Variants in ABCA7 observed in about 807,000 individuals in gnomAD.
The protein encoded by ABCA7 is ATP binding cassette subfamily A member 7.
ABCA7 carries 261 observed loss-of-function variants against 227.6 expected under a neutral mutation model. The ratio of observed to expected loss-of-function variants is 1.15; its 90% CI spans 1.04 to 1.27. The LOEUF (loss-of-function observed/expected upper bound fraction) is 1.27, where lower values mean the gene tolerates loss of function less well. Among genes scored for constraint, ABCA7 ranks in the 50% most tolerant of loss-of-function variants. ABCA7 has a pLI of 0.00. For missense variants in ABCA7, 3,331 were observed against 2,924.5 expected (o/e 1.14, Z -3.21); for synonymous variants, 1,488 against 1,279.7 (o/e 1.16, Z -3.47).
At position 1,058,041 on chromosome 19, in the gene ABCA7, T is replaced by A; in HGVS notation, c.5007T>A (p.Leu1669=). The A allele has an allele frequency of 6.2e-7, 1 of 1,614,170 alleles. No individual in the cohort carries two copies. Among genetic ancestry groups the A allele is most frequent in the Non-Finnish European group, 8.5e-7 (1 of 1,180,032 alleles). ...ATGGAAGCATGGCCACCTTTGTGCT[T>A]GAGCTCTTCTCTGATCAGGTGGGGC... is the stretch of plus-strand genomic sequence containing the variant. ...GINGSMATFV[L]ELFSDQKLQE... is the part of the protein sequence containing the mutation. Residue 1669 remains leucine (L), a synonymous_variant, in exon 36 of 47, where the codon CTT becomes CTA. Coordinates refer to ENST00000263094, the MANE Select transcript of ABCA7 (RefSeq NM_019112.4).
intron 16 of ABCA7, among the ~76,000 whole-genome samples, 180 bp downstream of exon 16, chr19:1,047,834 G>C (rs2040866937): frequency 6.6e-6 from 1 of 152,136 alleles, no homozygotes; most frequent in Non-Finnish European, 1.5e-5. Context: ...CCTGAGGCAG[G>C]TGGGCGGGGT....
chr19:1,049,304 G>A lies in ABCA7; in HGVS notation c.2419G>A (p.Val807Ile), dbSNP rs779361772. Reference sequence around the variant, plus strand: ...GGCACCGCCCGGCCTGAGTCCTGGCGTCTCCGTTCGCAGCCTGGAGAAGCG... The same window carrying A: ...GGCACCGCCCGGCCTGAGTCCTGGCATCTCCGTTCGCAGCCTGGAGAAGCG... ...EEAPPGLSPG[V>I]SVRSLEKRFP... Residue 807 changes from valine (V) to isoleucine (I), a missense_variant, in exon 18 of 47, where the codon GTC (valine) becomes ATC (isoleucine). Val to Ile is a conservative substitution (Grantham distance 29). Coordinates refer to ENST00000263094, the MANE Select transcript of ABCA7 (RefSeq NM_019112.4). 3.1e-6 allele frequency: 5 copies of A among 1,611,218 alleles called. No individual in the cohort carries two copies. Among genetic ancestry groups the A allele is most frequent in the Admixed American group, 1.7e-5 (1 of 59,920 alleles).
rs1302770627 is a variant in ABCA7 at position 1,056,329 on chromosome 19, G to C, written c.4417-1G>C. 2 of 1,613,052 alleles carry C rather than the reference G, an allele frequency of 1.2e-6. No individual in the cohort carries two copies. The highest frequency in any genetic ancestry group is 1.7e-6 in the Non-Finnish European group (2 of 1,179,850). ...ACCCTATGACCTTGACCCCCACCCA[G>C]ATCTGGTTCAACAACAAAGGCTGGC... On this transcript the variant is annotated splice_acceptor_variant, in intron 32 of 46. Transcript: ENST00000263094. LOFTEE classifies it high-confidence loss of function. This position sits in a 1 kb window ranked among gnomAD's most constrained non-coding sequence, Gnocchi z 4.3.
chr19:1,052,504 G>A (rs1375827403), intron 23 of ABCA7, among the ~76,000 whole-genome samples: 4 of 2,808 alleles, frequency 1.4e-3, no homozygotes, highest in Non-Finnish European at 2.8e-3. Context: ...GGGAGGGAGA[G>A]GAGGAGGGGG....
chr19:1,051,110 C>T (rs1341107158), intron 19 of ABCA7, 45 bp from the exon 20 acceptor site: 1 of 1,611,058 alleles, frequency 6.2e-7, no homozygotes, highest in Non-Finnish European at 8.5e-7. Flanking sequence ...CCCTCTGGGA[C>T]TCTGCCTGCC....
Position 1,058,190 on chromosome 19 carries a change from C to T in ABCA7, c.5070C>T (p.Ile1690=). 6.2e-7 allele frequency: 1 copy of T among 1,613,744 alleles called. No homozygotes were observed. The highest frequency in any genetic ancestry group is 2.2e-5 in the East Asian group (1 of 44,830). ...VSRILKQVFL[I]FPHFCLGRGL... ...GGATCTTGAAACAGGTCTTCCTTAT[C>T]TTCCCCCACTTCTGCTTGGGCCGGG... The change falls in exon 37 of 47, where the codon ATC becomes ATT. Residue 1690 remains isoleucine (I), a synonymous_variant. Transcript: ENST00000263094.
rs752056965 is a variant in ABCA7 at position 1,047,626 on chromosome 19, C to G, written c.2241C>G (p.Ala747=). 17 of 1,599,166 alleles carry G rather than the reference C, an allele frequency of 1.1e-5. No homozygotes were observed. The highest frequency in any genetic ancestry group is 1.4e-5 in the Non-Finnish European group (16 of 1,177,578). The change falls in exon 16 of 47, where the codon GCC becomes GCG. Residue 747 remains alanine (A), a synonymous_variant. Transcript: ENST00000263094. ...LLLDAALYGL[A]TWYLEAVCPG... ...TGGACGCGGCGCTCTACGGCCTCGC[C>G]ACCTGGTACCTGGAAGCTGTGTGCC... is the stretch of plus-strand genomic sequence containing the variant.
In ABCA7 at chr19:1,043,732, G is replaced by A. The variant is rs868213967; in HGVS notation, c.938G>A (p.Arg313Gln). Residue 313 changes from arginine (R) to glutamine (Q), a missense_variant, in exon 10 of 47, where the codon CGG becomes CAG. Coordinates refer to ENST00000263094, the MANE Select transcript of ABCA7 (RefSeq NM_019112.4). Reference sequence around the variant, plus strand: ...AGGGGGTGCTGTCCACAGGTGAACCGGACCTTCGAGGAGCTCACCCTGCTG... The same window carrying A: ...AGGGGGTGCTGTCCACAGGTGAACCAGACCTTCGAGGAGCTCACCCTGCTG... ...FTRKLMAQVN[R>Q]TFEELTLLRD... is the part of the protein sequence containing the mutation. 4.3e-6 allele frequency: 7 copies of A among 1,612,634 alleles called. No individual in the cohort carries two copies. The highest frequency in any genetic ancestry group is 5.9e-6 in the Non-Finnish European group (7 of 1,179,964).
chr19:1,058,543 C>G, intron 37 of ABCA7, 75 bp from the exon 38 acceptor site: 6 of 1,585,224 alleles, frequency 3.8e-6, no homozygotes, highest in Non-Finnish European at 5.1e-6. Flanking sequence ...CTTAAGAATC[C>G]AGAGTGACAT....
chr19:1,051,629 T>C (rs200354271), intron 21 of ABCA7, 43 bp downstream of exon 21: 2 of 1,579,130 alleles, frequency 1.3e-6, no homozygotes, highest in East Asian at 2.3e-5. Context: ...AAAAGGCTTC[T>C]GACAAGGAAG....
At chr19:1,053,650 G>A in intron 24 of ABCA7, 119 bp downstream of exon 24, 1 of 1,509,882 alleles carries the variant, frequency 6.6e-7, no homozygotes, top group Non-Finnish European at 9.0e-7. Context: ...AGGAGGCATG[G>A]CACATGAGGA....
chr19:1,045,662 C>T (rs1207493957), intron 12 of ABCA7: 2 of 176,136 alleles, frequency 1.1e-5, no homozygotes, highest in Non-Finnish European at 2.4e-5. Flanking sequence ...ACCGCCTCCC[C>T]CCCGCCCCCC....
intron 31 of ABCA7, 60 bp downstream of exon 31, chr19:1,055,999 G>GCCCCCTGGGAGCTCTCCCGGC: frequency 6.4e-7 from 1 of 1,550,576 alleles, no homozygotes; most frequent in Non-Finnish European, 8.7e-7. Flanking sequence ...CCCTCTGCCT[G>GCCCCCTGGGAGCTCTCCCGGC]CCCCCTGGGA....
intron 11 of ABCA7, 34 bp downstream of exon 11, chr19:1,044,778 G>T: frequency 6.4e-7 from 1 of 1,565,092 alleles, no homozygotes; most frequent in Non-Finnish European, 8.6e-7. Flanking sequence ...GTCTGTTTCA[G>T]TGGGGAGGGC....
In ABCA7 at chr19:1,053,815, G is replaced by A; in HGVS notation, c.3451G>A (p.Ala1151Thr). ...EIFLKVVEECAADTDMEDGSC... is the reference protein window; with the variant it reads ...EIFLKVVEECTADTDMEDGSC... ...CTTCCTGAAGGTGGTGGAGGAGTGTGCTGCGGACACAGATATGGAGGGTGC... is the reference window on the plus strand; with the variant it reads ...CTTCCTGAAGGTGGTGGAGGAGTGTACTGCGGACACAGATATGGAGGGTGC... The change falls in exon 25 of 47, where the codon GCT (alanine) becomes ACT (threonine). Residue 1151 changes from alanine (A) to threonine (T), a missense_variant. By Grantham distance (58) the Ala-to-Thr change is moderately conservative. Transcript: ENST00000263094. The A allele has an allele frequency of 1.3e-5, 21 of 1,612,262 alleles. No individual in the cohort carries two copies. The highest frequency in any genetic ancestry group is 1.8e-5 in the Non-Finnish European group (21 of 1,178,872).
At chr19:1,040,506 A>G (rs1023017780) in intron 1 of ABCA7, among the ~76,000 whole-genome samples, 1 of 152,178 alleles carries the variant, frequency 6.6e-6, no homozygotes, top group African/African-American at 2.4e-5. Flanking sequence ...CTTGATGTAA[A>G]GGAAAGAACC....
Position 1,054,672 on chromosome 19 carries a change from G to C in ABCA7, c.3829G>C (p.Gly1277Arg), listed in dbSNP as rs759410713. The change falls in exon 28 of 47, where the codon GGT becomes CGT. Residue 1277 changes from glycine to arginine, a missense_variant. Transcript: ENST00000263094. The surrounding 1 kb of genome is among the most constrained non-coding windows in gnomAD (Gnocchi z 4.8). ...PALRLSPTMYGAQVSFFSEDA... is the reference protein window; with the variant it reads ...PALRLSPTMYRAQVSFFSEDA... Reference sequence around the variant, plus strand: ...TCTGCGGCTCAGTCCCACCATGTACGGTGCTCAGGTGTCCTTCTTCAGGTG... The same window carrying C: ...TCTGCGGCTCAGTCCCACCATGTACCGTGCTCAGGTGTCCTTCTTCAGGTG... 6.2e-7 allele frequency: 1 copy of C among 1,612,674 alleles called. No homozygotes were observed. The highest frequency in any genetic ancestry group is 8.5e-7 in the Non-Finnish European group (1 of 1,179,448).
chr19:1,041,696 C>G (rs1438488817), intron 3 of ABCA7, 93 bp downstream of exon 3: 2 of 1,577,344 alleles, frequency 1.3e-6, no homozygotes, highest in Non-Finnish European at 1.7e-6. Flanking sequence ...GTCAGGGAGC[C>G]TTCACCAGGC....
intron 42 of ABCA7, among the ~76,000 whole-genome samples, 185 bp downstream of exon 42, chr19:1,062,498 C>T (rs73505237): frequency 0.036 from 5,418 of 152,140 alleles, 330 homozygotes; most frequent in African/African-American, 0.13. Context: ...TGTGGCTAGC[C>T]CGCCTCTTTG....
Sources: allele counts gnomAD v4.1 joint callset (sites outside exome capture counted in the v4.1 genomes callset), GRCh38; gene constraint gnomAD v4.1.1; non-coding constraint Gnocchi (gnomAD v3.1); transcripts MANE v1.5; gene names NCBI Gene and HGNC (gene_info 2026-07-23, HGNC 2026-07-21).